The following ZNG1B variants were observed in gnomAD, a reference collection of about 807,000 sequenced individuals.
ZNG1B encodes zinc-regulated GTPase metalloprotein activator 1B.
the ZNG1B span, among the ~76,000 whole-genome samples, chr2:113,478,080 G>T: frequency 6.6e-6 from 1 of 151,904 alleles, no homozygotes; most frequent in South Asian, 2.1e-4. Flanking sequence ...CATTTAACTT[G>T]TTCTCACAGC....
chr2:113,472,589 G>A, the ZNG1B span, among the ~76,000 whole-genome samples: 1 of 151,818 alleles, frequency 6.6e-6, no homozygotes, highest in Non-Finnish European at 1.5e-5. Context: ...GTAATGCCTA[G>A]GTCTTCTTCT....
At chr2:113,485,205 G>A in the ZNG1B span, among the ~76,000 whole-genome samples, 1 of 138,430 alleles carries the variant, frequency 7.2e-6, no homozygotes, top group Non-Finnish European at 1.5e-5. Context: ...GAAGAAGTAA[G>A]GAAAAGAGCA....
the ZNG1B span, chr2:113,482,014 C>G: frequency 9.4e-6 from 9 of 959,064 alleles, no homozygotes; most frequent in Non-Finnish European, 1.2e-5. Flanking sequence ...AATCTGCCAG[C>G]TTTTCTCTAT....
the ZNG1B span, among the ~76,000 whole-genome samples, chr2:113,476,544 C>G: frequency 9.8e-4 from 145 of 148,588 alleles, 1 homozygote; most frequent in Non-Finnish European, 1.8e-3. Context: ...GAGCTGCGTT[C>G]CTTCGGAGGA....
the ZNG1B span, among the ~76,000 whole-genome samples, chr2:113,440,317 A>G: frequency 6.6e-6 from 1 of 151,160 alleles, no homozygotes; most frequent in Non-Finnish European, 1.5e-5. Flanking sequence ...TTTTTTTCAT[A>G]ATATGGTTAA....
At chr2:113,444,132 T>C in the ZNG1B span, 2 of 429,870 alleles carry the variant, frequency 4.7e-6, no homozygotes, top group Admixed American at 4.2e-5. Context: ...GAAAGTCTCA[T>C]ATGTAAAAAA....
chr2:113,462,257 T>G, the ZNG1B span: 2 of 806,642 alleles, frequency 2.5e-6, no homozygotes, highest in Admixed American at 5.8e-5. Context: ...GTCACTCCTA[T>G]AGAGCACTGT....
At chr2:113,452,874 ATGTTT>A in the ZNG1B span, among the ~76,000 whole-genome samples, 2 of 149,456 alleles carry the variant, frequency 1.3e-5, no homozygotes, top group African/African-American at 5.0e-5. Flanking sequence ...TAGAAGAATG[ATGTTT>A]TGTTTATATG....
At chr2:113,470,855 GAAGT>G in the ZNG1B span, 2 of 727,210 alleles carry the variant, frequency 2.8e-6, no homozygotes, top group Non-Finnish European at 4.3e-6. Context: ...CTAATTCATT[GAAGT>G]AATAACCAAA....
chr2:113,441,920 A>T, the ZNG1B span, among the ~76,000 whole-genome samples: 1 of 152,262 alleles, frequency 6.6e-6, no homozygotes, highest in African/African-American at 2.4e-5. Flanking sequence ...TTGTATTTTT[A>T]GTAGAGACAG....
the ZNG1B span, among the ~76,000 whole-genome samples, chr2:113,484,749 T>G: frequency 2.6e-5 from 4 of 150,952 alleles, no homozygotes; most frequent in East Asian, 7.8e-4. Flanking sequence ...TGCAACTTCC[T>G]CCTTCTAGAT....
At chr2:113,474,868 T>A in the ZNG1B span, among the ~76,000 whole-genome samples, 1 of 151,220 alleles carries the variant, frequency 6.6e-6, no homozygotes, top group African/African-American at 2.4e-5. Flanking sequence ...TTGTTATAAT[T>A]TCTGTTCTTT....
chr2:113,492,189 G>A, the ZNG1B span, among the ~76,000 whole-genome samples: 6 of 139,794 alleles, frequency 4.3e-5, 1 homozygote, highest in Admixed American at 3.1e-4. Flanking sequence ...ACGTGCACAC[G>A]CATGTTTATA....
the ZNG1B span, among the ~76,000 whole-genome samples, chr2:113,463,326 G>A: frequency 6.6e-6 from 1 of 152,038 alleles, no homozygotes; most frequent in African/African-American, 2.4e-5. Flanking sequence ...TGTGTACAAT[G>A]CTTTGAGCGT....
the ZNG1B span, among the ~76,000 whole-genome samples, chr2:113,454,360 T>C: frequency 6.6e-6 from 1 of 152,058 alleles, no homozygotes; most frequent in East Asian, 1.9e-4. Flanking sequence ...TTTGATTATG[T>C]GAAAATAAAC....
At chr2:113,493,100 A>T in the ZNG1B span, among the ~76,000 whole-genome samples, 2 of 132,626 alleles carry the variant, frequency 1.5e-5, no homozygotes, top group African/African-American at 5.6e-5. Flanking sequence ...TATTCAATAC[A>T]TGATGATGTC....
the ZNG1B span, chr2:113,445,157 T>C: frequency 6.7e-7 from 1 of 1,489,830 alleles, no homozygotes; most frequent in Non-Finnish European, 9.0e-7. Flanking sequence ...CTTTTGTTAG[T>C]ATTAAACCAA....
At chr2:113,471,227 G>A in the ZNG1B span, 1 of 1,386,390 alleles carries the variant, frequency 7.2e-7, no homozygotes, top group East Asian at 2.3e-5. Flanking sequence ...ACTTAATGAG[G>A]TATATTCTTG....
chr2:113,477,102 C>T, the ZNG1B span, among the ~76,000 whole-genome samples: 12 of 152,282 alleles, frequency 7.9e-5, no homozygotes, highest in South Asian at 1.4e-3. Context: ...CAATGGCGGG[C>T]GCCCCTCCCC....
Sources: gnomAD v4.1 joint callset for allele counts (sites outside exome capture counted in the v4.1 genomes callset) on GRCh38, gnomAD v4.1.1 for gene constraint, MANE v1.5 for transcripts, NCBI Gene and HGNC (gene_info 2026-07-23, HGNC 2026-07-21) for gene names.